The following HARS1 variants were observed in gnomAD, a reference collection of about 807,000 sequenced individuals.
The protein encoded by HARS1 is histidine--tRNA ligase, cytoplasmic.
In HARS1, 45 loss-of-function variants were observed where a neutral mutation model predicts 63.6. The ratio of observed to expected loss-of-function variants is 0.71; its 90% CI spans 0.56 to 0.91. The LOEUF is 0.91. HARS1 is among the 40% of genes least tolerant of loss of function. The probability of loss-of-function intolerance (pLI) is 0.00; values close to 1 mark genes in which losing one functional copy is unlikely to be tolerated. For missense variants in HARS1, 508 were observed against 643.2 expected, an observed-to-expected ratio of 0.79 and a Z score of 2.27; for synonymous variants, 205 against 247.1, an observed-to-expected ratio of 0.83 and a Z score of 1.60.
intron 7 of HARS1, 79 bp downstream of exon 7, chr5:140,677,576 C>G: frequency 8.9e-7 from 1 of 1,122,892 alleles, no homozygotes; most frequent in Non-Finnish European, 1.4e-6. Flanking sequence ...GCATGCACCT[C>G]TCTCTCTCTC....
In HARS1 at chr5:140,674,094, A is replaced by C; in HGVS notation, c.*163T>G. 1.4e-6 allele frequency: 1 copy of C among 700,494 alleles called. No homozygotes were observed. Among genetic ancestry groups the C allele is most frequent in the Non-Finnish European group, 2.6e-6 (1 of 379,742 alleles). 43.4% of individuals were successfully genotyped at this position (700,494 alleles called of 1,614,324 possible). ...GTACCTGGCCGTTTTTGCCAGTAATAATCAATAAAATAACCATAATAAAAA... is the reference window on the plus strand; with the variant it reads ...GTACCTGGCCGTTTTTGCCAGTAATCATCAATAAAATAACCATAATAAAAA... On this transcript the variant is annotated 3_prime_UTR_variant, in exon 13 of 13. Coordinates refer to ENST00000504156, the MANE Select transcript of HARS1 (RefSeq NM_002109.6).
intron 1 of HARS1, 109 bp downstream of exon 1, chr5:140,691,106 C>G (rs1235779038): frequency 3.1e-6 from 3 of 982,028 alleles, no homozygotes; most frequent in Non-Finnish European, 4.7e-6. Context: ...ACTCTCCTCC[C>G]TACAAGACTG....
At chr5:140,686,743 A>G (rs890017936) in intron 2 of HARS1, among the ~76,000 whole-genome samples, 5 of 151,424 alleles carry the variant, frequency 3.3e-5, no homozygotes, top group African/African-American at 1.2e-4. Flanking sequence ...TGGCATTACA[A>G]GCATGCGCCA....
chr5:140,683,233 T>C lies in HARS1; in HGVS notation c.181-14A>G. 1 of 1,611,818 alleles carries C rather than the reference T, an allele frequency of 6.2e-7. No homozygotes were observed. The highest frequency in any genetic ancestry group is 8.5e-7 in the Non-Finnish European group (1 of 1,178,598). Reference sequence around the variant, plus strand: ...GTCTCTTGTGCCCTTGGAGTTGAAATCAGCCAGAGAACCAGAAATGAGGTT... The same window carrying C: ...GTCTCTTGTGCCCTTGGAGTTGAAACCAGCCAGAGAACCAGAAATGAGGTT... On this transcript the variant is annotated splice_polypyrimidine_tract_variant and intron_variant, in intron 2 of 12. Coordinates refer to ENST00000504156, the MANE Select transcript of HARS1 (RefSeq NM_002109.6).
chr5:140,675,398 C>T (rs1270623166), intron 10 of HARS1: 10 of 336,782 alleles, frequency 3.0e-5, no homozygotes, highest in Non-Finnish European at 4.9e-5. Context: ...AGCTTATCTC[C>T]ATGTAGTACC....
In HARS1 at chr5:140,676,672, G is replaced by T; in HGVS notation, c.1176C>A (p.Ile392=). 6.2e-7 allele frequency: 1 copy of T among 1,614,170 alleles called. No homozygotes were observed. The highest frequency in any genetic ancestry group is 1.1e-5 in the South Asian group (1 of 91,082). Residue 392 remains isoleucine (I), a synonymous_variant, in exon 10 of 13, where the codon ATC becomes ATA. Coordinates refer to ENST00000504156, the MANE Select transcript of HARS1 (RefSeq NM_002109.6). This position sits in a 1 kb window ranked among gnomAD's most constrained non-coding sequence, Gnocchi z 4.1. ...LSIGVERIFS[I]VEQRLEALEE... ...GACCTACCTCTAGTCTCTGTTCCAC[G>T]ATGGAGAAAATCCGCTCCACCCCAA...
Position 140,691,290 on chromosome 5 carries a change from C to G in HARS1, c.15G>C (p.Ala5=), listed in dbSNP as rs200913921. 2 of 1,606,730 alleles carry G rather than the reference C, an allele frequency of 1.2e-6. No homozygotes were observed. The highest frequency in any genetic ancestry group is 1.3e-5 in the African/African-American group (1 of 75,004). The change falls in exon 1 of 13, where the codon GCG becomes GCC. Residue 5 remains alanine, a synonymous_variant. Coordinates refer to ENST00000504156, the MANE Select transcript of HARS1 (RefSeq NM_002109.6). MAER[A]ALEELVKLQG... ...GAAGTTTCACCAGCTCCTCCAGCGC[C>G]GCACGCTCTGCCATCCCGGCTGTCC...
In HARS1 at chr5:140,674,820, C is replaced by T. The variant is rs746338781; in HGVS notation, c.1317G>A (p.Glu439=). ...SELWDAGIKA[E]LLYKKNPKLL... is the part of the protein sequence containing the mutation. ...GCTTTGGGTTCTTCTTGTACAGCAG[C>T]TCAGCCTGCAGGGGACAAGAGCAGA... The change falls in exon 12 of 13, where the codon GAG becomes GAA. Residue 439 remains glutamate, a synonymous_variant. Transcript: ENST00000504156. 20 of 1,614,190 alleles carry T rather than the reference C, an allele frequency of 1.2e-5. No homozygotes were observed. In the South Asian group the frequency reaches 2.2e-4, roughly 18 times the overall value.
rs568923460 is a variant in HARS1 at position 140,676,902 on chromosome 5, G to A, written c.952-6C>T. The A allele has an allele frequency of 1.9e-6, 3 of 1,613,112 alleles. No individual in the cohort carries two copies. The highest frequency in any genetic ancestry group is 1.3e-5 in the African/African-American group (1 of 75,020). ...AGGCTCAGGTCAAAGGAGATCTGTG[G>A]AGATAAGAAAATGGTCAGTGCCAGA... On this transcript the variant is annotated splice_polypyrimidine_tract_variant and splice_region_variant and intron_variant, in intron 9 of 12. Coordinates refer to ENST00000504156, the MANE Select transcript of HARS1 (RefSeq NM_002109.6). The surrounding 1 kb of genome is among the most constrained non-coding windows in gnomAD (Gnocchi z 4.1).
intron 3 of HARS1, among the ~76,000 whole-genome samples, chr5:140,680,135 CT>C (rs1047466453): frequency 2.6e-5 from 4 of 151,396 alleles, no homozygotes; most frequent in Admixed American, 2.0e-4. Context: ...TTTCTTCAGA[CT>C]TCTCAGCATG....
At chr5:140,683,042 C>G in intron 3 of HARS1, 58 bp downstream of exon 3, 4 of 1,557,650 alleles carry the variant, frequency 2.6e-6, no homozygotes, top group Non-Finnish European at 3.5e-6. Context: ...TTGTCATCTT[C>G]TTTGTTATTC....
intron 2 of HARS1, among the ~76,000 whole-genome samples, chr5:140,689,829 T>C (rs906254271): frequency 6.6e-6 from 1 of 152,228 alleles, no homozygotes; most frequent in Non-Finnish European, 1.5e-5. Flanking sequence ...GTTCTGTTTA[T>C]AGAACTTACA....
Position 140,676,627 on chromosome 5 carries a change from A to G in HARS1, c.1194+27T>C, listed in dbSNP as rs765375902. 7.5e-6 allele frequency: 12 copies of G among 1,609,048 alleles called. No individual in the cohort carries two copies. The highest frequency in any genetic ancestry group is 1.0e-5 in the Non-Finnish European group (12 of 1,176,104). ...TTAGGTGCCACCACCTGCTCAGACT[A>G]TCTTCTACCTACCTCCTAGGACCTA... On this transcript the variant is annotated intron_variant, in intron 10 of 12. Coordinates refer to ENST00000504156, the MANE Select transcript of HARS1 (RefSeq NM_002109.6). This position sits in a 1 kb window ranked among gnomAD's most constrained non-coding sequence, Gnocchi z 4.1.
At position 140,678,031 on chromosome 5, in the gene HARS1, T is replaced by G; in HGVS notation, c.523-16A>C. On this transcript the variant is annotated splice_polypyrimidine_tract_variant and intron_variant, in intron 5 of 12. Coordinates refer to ENST00000504156, the MANE Select transcript of HARS1 (RefSeq NM_002109.6). The stretch of plus-strand genomic sequence containing the variant: ...TGTCAAAATCCTGCAGGGAGAGGGT[T>G]AGCCAGCGGTCTTCAGGGATTCACC... 3.0e-5 allele frequency: 43 copies of G among 1,417,316 alleles called. No individual in the cohort carries two copies. Among genetic ancestry groups the G allele is most frequent in the Middle Eastern group, 1.8e-4 (1 of 5,700 alleles). 87.8% of individuals were successfully genotyped at this position (1,417,316 alleles called of 1,614,324 possible). A position where few individuals can be genotyped will look rare whatever the true frequency, so the allele number is the denominator to read the frequency against.
Position 140,691,287 on chromosome 5 carries a change from C to T in HARS1, c.18G>A (p.Ala6=), listed in dbSNP as rs1265204088. MAERA[A]LEELVKLQGE... is the part of the protein sequence containing the mutation. ...CCTGAAGTTTCACCAGCTCCTCCAG[C>T]GCCGCACGCTCTGCCATCCCGGCTG... Residue 6 remains alanine, a synonymous_variant, in exon 1 of 13, where the codon GCG becomes GCA. Transcript: ENST00000504156. The T allele has an allele frequency of 6.2e-7, 1 of 1,607,188 alleles. No individual in the cohort carries two copies. Among genetic ancestry groups the T allele is most frequent in the African/African-American group, 1.3e-5 (1 of 75,004 alleles).
At chr5:140,678,805 C>G (rs963193810) in intron 5 of HARS1, 197 bp downstream of exon 5, 2 of 514,442 alleles carry the variant, frequency 3.9e-6, no homozygotes, top group Non-Finnish European at 6.8e-6. Context: ...GACTGCACCA[C>G]TGCACTCCAG....
In HARS1 at chr5:140,683,209, T is replaced by C; in HGVS notation, c.191A>G (p.Asp64Gly). 1 of 1,613,912 alleles carries C rather than the reference T, an allele frequency of 6.2e-7. No homozygotes were observed. Among genetic ancestry groups the C allele is most frequent in the South Asian group, 1.1e-5 (1 of 91,054 alleles). ...AACTGCCATCTGCCGGGGACTATAG[T>C]CTCTTGTGCCCTTGGAGTTGAAATC... ...FVLKTPKGTRDYSPRQMAVRE... is the reference protein window; with the variant it reads ...FVLKTPKGTRGYSPRQMAVRE... The change falls in exon 3 of 13, where the codon GAC becomes GGC. Residue 64 changes from aspartate to glycine, a missense_variant. Asp to Gly is a moderately conservative substitution (Grantham distance 94). Around this residue, in one of 2 missense-constraint regions of HARS1, gnomAD observed 105 missense variants for 94.5 expected, o/e 1.11. Transcript: ENST00000504156.
chr5:140,676,713 A>G lies in HARS1; in HGVS notation c.1135T>C (p.Cys379Arg). The stretch of plus-strand genomic sequence containing the variant: ...TCCACCCCAATGCTGAGCCCCACAC[A>G]TGGCACCTTGCGCCCTTTGGGGTCG... ...MFDPKGRKVP[C>R]VGLSIGVERI... Residue 379 changes from cysteine to arginine, a missense_variant, in exon 10 of 13, where the codon TGT becomes CGT. Around this residue, in one of 2 missense-constraint regions of HARS1, gnomAD observed 403 missense variants for 548.7 expected, o/e 0.73. Coordinates refer to ENST00000504156, the MANE Select transcript of HARS1 (RefSeq NM_002109.6). This position sits in a 1 kb window ranked among gnomAD's most constrained non-coding sequence, Gnocchi z 4.1. 19 of 1,614,138 alleles carry G rather than the reference A, an allele frequency of 1.2e-5. No individual in the cohort carries two copies. The highest frequency in any genetic ancestry group is 1.6e-5 in the Non-Finnish European group (19 of 1,180,020).
At position 140,674,744 on chromosome 5, in the gene HARS1, T is replaced by G. The variant is rs754304255; in HGVS notation, c.1393A>C (p.Ile465Leu). 1.1e-5 allele frequency: 17 copies of G among 1,614,182 alleles called. No homozygotes were observed. Among genetic ancestry groups the G allele is most frequent in the Admixed American group, 1.7e-5 (1 of 60,022 alleles). The part of the protein sequence containing the change: ...CEEAGIPLVA[I>L]IGEQELKDGV... ...TCCTTGAGTTCCTGCTCGCCGATGA[T>G]AGCCACCAGTGGGATGCCTGCCTCC... is the stretch of plus-strand genomic sequence containing the variant. The change falls in exon 12 of 13, where the codon ATC becomes CTC. Residue 465 changes from isoleucine to leucine, a missense_variant. Physicochemically the swap from Ile to Leu is conservative, Grantham distance 5. This residue lies in a region of HARS1 where 403 missense variants were observed against 548.7 expected (regional missense o/e 0.73). Transcript: ENST00000504156.
Sources: gnomAD v4.1 joint callset for allele counts (sites outside exome capture counted in the v4.1 genomes callset) on GRCh38, gnomAD v4.1.1 for gene constraint, gnomAD v4.1.1 regional missense constraint, Gnocchi (gnomAD v3.1) non-coding constraint, MANE v1.5 for transcripts, NCBI Gene and HGNC (gene_info 2026-07-23, HGNC 2026-07-21) for gene names.